Variants in PCDH17 observed in about 807,000 individuals in gnomAD.
PCDH17 encodes the protein protocadherin 17.
Under a neutral mutation model 67.7 loss-of-function variants are expected in PCDH17, and 21 were observed. That is an observed-to-expected ratio of 0.31 (90% CI 0.22 to 0.45). The LOEUF (loss-of-function observed/expected upper bound fraction) is 0.45, where lower values mean the gene tolerates loss of function less well. Among genes scored for constraint, PCDH17 ranks in the 20% least tolerant of loss-of-function variants. The pLI is 1.00. For synonymous variants in PCDH17, 701 were observed against 656.7 expected, an observed-to-expected ratio of 1.07 and a Z score of -1.03; for missense variants, 1,471 against 1,564.8, an observed-to-expected ratio of 0.94 and a Z score of 1.01.
intron 3 of PCDH17, among the ~76,000 whole-genome samples, chr13:57,682,899 A>T (rs973423388): frequency 1.3e-5 from 2 of 151,914 alleles, no homozygotes; most frequent in African/African-American, 4.8e-5. Context: ...TCAGTAGCAG[A>T]TACAACATTT....
chr13:57,651,098 C>T (rs759966653), intron 1 of PCDH17, among the ~76,000 whole-genome samples: 1 of 152,136 alleles, frequency 6.6e-6, no homozygotes, highest in Non-Finnish European at 1.5e-5. Flanking sequence ...ACCTATATCT[C>T]TTTCTACTTC....
Position 57,664,672 on chromosome 13 carries a change from G to T in PCDH17, c.2566-1796G>T, listed in dbSNP as rs1487986558. Among the ~76,000 whole-genome samples, 6 of 152,020 alleles carry T rather than the reference G, an allele frequency of 3.9e-5. No individual in the cohort carries two copies. The East Asian group carries it at 1.2e-3, about 29-fold the overall frequency. On this transcript the variant is annotated intron_variant, in intron 1 of 3. Transcript: ENST00000377918. ...TTGTCTCTTTAATAACCTGGATTTT[G>T]TTTTCTTGAAGTGTTCTAAAACACT... is the stretch of plus-strand genomic sequence containing the variant.
chr13:57,704,118 G>T (rs576318220), intron 3 of PCDH17, among the ~76,000 whole-genome samples: 1 of 152,036 alleles, frequency 6.6e-6, no homozygotes, highest in African/African-American at 2.4e-5. Flanking sequence ...CTGATTTCAA[G>T]ACTAAAATGA....
At chr13:57,660,899 T>C (rs1370487415) in intron 1 of PCDH17, among the ~76,000 whole-genome samples, 1 of 152,200 alleles carries the variant, frequency 6.6e-6, no homozygotes, top group East Asian at 1.9e-4. Flanking sequence ...ATTACACTTA[T>C]GTATGAATAT....
At chr13:57,699,513 G>T (rs534828510) in intron 3 of PCDH17, among the ~76,000 whole-genome samples, 4 of 151,850 alleles carry the variant, frequency 2.6e-5, no homozygotes, top group Non-Finnish European at 5.9e-5. Flanking sequence ...TTTTCATTCT[G>T]GATCCTCATG....
intron 3 of PCDH17, among the ~76,000 whole-genome samples, chr13:57,711,062 A>C (rs527351541): frequency 2.0e-5 from 3 of 152,126 alleles, no homozygotes; most frequent in Non-Finnish European, 4.4e-5. Context: ...ACATTGATTA[A>C]ATTTTAATTA....
Position 57,633,683 on chromosome 13 carries a change from G to C in PCDH17, c.1137G>C (p.Arg379=), listed in dbSNP as rs1954767474. 6.2e-7 allele frequency: 1 copy of C among 1,604,620 alleles called. No individual in the cohort carries two copies. The highest frequency in any genetic ancestry group is 1.1e-5 in the South Asian group (1 of 91,058). The change falls in exon 1 of 4, where the codon CGG becomes CGC. Residue 379 remains arginine (R), a synonymous_variant. Coordinates refer to ENST00000377918, the MANE Select transcript of PCDH17 (RefSeq NM_001040429.3). This position sits in a 1 kb window ranked among gnomAD's most constrained non-coding sequence, Gnocchi z 6.2. The part of the protein sequence containing the change: ...TVIALVRVTD[R]DSGKNGQLQC... ...TCGCCCTGGTGCGGGTCACTGACCGGGACTCTGGCAAGAACGGACAGCTGC... is the reference window on the plus strand; with the variant it reads ...TCGCCCTGGTGCGGGTCACTGACCGCGACTCTGGCAAGAACGGACAGCTGC...
chr13:57,702,955 T>C (rs578074475), intron 3 of PCDH17, among the ~76,000 whole-genome samples: 1 of 152,282 alleles, frequency 6.6e-6, no homozygotes, highest in South Asian at 2.1e-4. Context: ...ATGTAAGTGT[T>C]TGTAACTGTG....
At chr13:57,719,595 T>C (rs1182180368) in intron 3 of PCDH17, among the ~76,000 whole-genome samples, 2 of 151,986 alleles carry the variant, frequency 1.3e-5, no homozygotes, top group Admixed American at 1.3e-4. Context: ...CCTTTTATGC[T>C]CTCTAAAATT....
intron 1 of PCDH17, among the ~76,000 whole-genome samples, chr13:57,641,991 T>C (rs1013480782): frequency 1.3e-5 from 2 of 151,602 alleles, no homozygotes; most frequent in African/African-American, 4.8e-5. Context: ...AACTTAATGG[T>C]ATTAGAAATT....
chr13:57,653,465 G>A (rs1955066009), intron 1 of PCDH17, among the ~76,000 whole-genome samples: 1 of 152,078 alleles, frequency 6.6e-6, no homozygotes, highest in Non-Finnish European at 1.5e-5. Context: ...ACTTGAAAGA[G>A]TGCAAAATTT....
rs139205495 is a variant in PCDH17 at position 57,673,128 on chromosome 13, G to T, written c.2797+6295G>T. Among the ~76,000 whole-genome samples the T allele has an allele frequency of 4.2e-3, 644 of 151,988 alleles. 2 individuals carry two copies. The highest frequency in any genetic ancestry group is 7.1e-3 in the Non-Finnish European group (480 of 67,942). ...TCAGTAAATGTACTTAATCTAAATG[G>T]GTCCAGGTGCCGGGGGTGATTACCC... On this transcript the variant is annotated intron_variant, in intron 3 of 3. Coordinates refer to ENST00000377918, the MANE Select transcript of PCDH17 (RefSeq NM_001040429.3).
intron 1 of PCDH17, among the ~76,000 whole-genome samples, chr13:57,664,229 G>T (rs1419846027): frequency 2.6e-5 from 4 of 151,876 alleles, no homozygotes; most frequent in Non-Finnish European, 5.9e-5. Context: ...ATTTTCTCTT[G>T]TTCTCTCCCA....
intron 3 of PCDH17, among the ~76,000 whole-genome samples, chr13:57,700,321 C>CTT (rs1238464454): frequency 3.3e-4 from 46 of 137,862 alleles, no homozygotes; most frequent in East Asian, 1.0e-3. Context: ...CTCTCTCTCT[C>CTT]TTTTTTTTTT....
At chr13:57,653,341 T>C in intron 1 of PCDH17, among the ~76,000 whole-genome samples, 1 of 152,038 alleles carries the variant, frequency 6.6e-6, no homozygotes, top group East Asian at 1.9e-4. Flanking sequence ...TATTAGAAAC[T>C]GTAGGGAGTG....
Position 57,706,034 on chromosome 13 carries a change from C to T in PCDH17, c.2798-18578C>T, listed in dbSNP as rs372996046. 6.4e-4 allele frequency among the ~76,000 whole-genome samples: 97 copies of T among 150,718 alleles called. No homozygotes were observed. In the East Asian group the frequency reaches 0.017, roughly 26 times the overall value. Reference sequence around the variant, plus strand: ...CAGTCTTAAAAAAAAAAAAAAAATACCCTTACCTTTCAATAGGTGTCAGAG... The same window carrying T: ...CAGTCTTAAAAAAAAAAAAAAAATATCCTTACCTTTCAATAGGTGTCAGAG... On this transcript the variant is annotated intron_variant, in intron 3 of 3. Transcript: ENST00000377918.
upstream of PCDH17, among the ~76,000 whole-genome samples, chr13:57,630,444 C>G (rs574284198): frequency 4.0e-5 from 6 of 151,708 alleles, no homozygotes; most frequent in South Asian, 1.2e-3. Flanking sequence ...AGAGGAAAAT[C>G]TTGAACTATG....
intron 3 of PCDH17, among the ~76,000 whole-genome samples, chr13:57,717,622 G>A (rs1479371534): frequency 6.6e-6 from 1 of 151,976 alleles, no homozygotes; most frequent in East Asian, 1.9e-4. Flanking sequence ...GTGTCTGAAT[G>A]CAGCCGTGGC....
At chr13:57,672,487 C>A (rs1955334222) in intron 3 of PCDH17, among the ~76,000 whole-genome samples, 1 of 151,792 alleles carries the variant, frequency 6.6e-6, no homozygotes, top group Non-Finnish European at 1.5e-5. Flanking sequence ...GAAATGAAAC[C>A]GATTAAGAAA....
Sources: gnomAD v4.1 joint callset for allele counts (sites outside exome capture counted in the v4.1 genomes callset) on GRCh38, gnomAD v4.1.1 for gene constraint, Gnocchi (gnomAD v3.1) non-coding constraint, MANE v1.5 for transcripts, NCBI Gene and HGNC (gene_info 2026-07-23, HGNC 2026-07-21) for gene names.